The following CNTNAP2 variants were observed in gnomAD, a reference collection of about 807,000 sequenced individuals.
The protein encoded by CNTNAP2 is contactin-associated protein-like 2.
In CNTNAP2, 98 loss-of-function variants were observed where a neutral mutation model predicts 155.2. That is an observed-to-expected ratio of 0.63 (90% confidence interval 0.54 to 0.75). The LOEUF (loss-of-function observed/expected upper bound fraction) is 0.75, where lower values mean the gene tolerates loss of function less well. Among genes scored for constraint, CNTNAP2 ranks in the 30% least tolerant of loss-of-function variants. CNTNAP2 has a pLI of 0.00. For missense variants in CNTNAP2, 1,727 were observed against 1,688.1 expected, an observed-to-expected ratio of 1.02 and a Z score of -0.40; for synonymous variants, 651 against 631.2, an observed-to-expected ratio of 1.03 and a Z score of -0.47.
At chr7:147,628,868 T>TAAAAA (rs60644349) in intron 12 of CNTNAP2, among the ~76,000 whole-genome samples, 37 of 117,180 alleles carry the variant, frequency 3.2e-4, no homozygotes, top group African/African-American at 1.0e-3. Context: ...CAACAGCAGT[T>TAAAAA]AAAAAAAAAA....
At chr7:148,098,505 A>G (rs1479680130) in intron 15 of CNTNAP2, among the ~76,000 whole-genome samples, 1 of 144,014 alleles carries the variant, frequency 6.9e-6, no homozygotes, top group Admixed American at 7.1e-5. Flanking sequence ...TAAGCAAGTG[A>G]GAGAATAGAA....
intron 11 of CNTNAP2, among the ~76,000 whole-genome samples, chr7:147,531,040 C>T (rs1314694239): frequency 6.6e-6 from 1 of 152,214 alleles, no homozygotes; most frequent in Non-Finnish European, 1.5e-5. Context: ...CCAAAATGAT[C>T]TCCTTTGACC....
chr7:146,561,980 G>A (rs1034333218), intron 1 of CNTNAP2, among the ~76,000 whole-genome samples: 1 of 151,880 alleles, frequency 6.6e-6, no homozygotes, highest in Admixed American at 6.6e-5. Flanking sequence ...TTTAGAGATG[G>A]GGTTTCACAA....
intron 13 of CNTNAP2, among the ~76,000 whole-genome samples, chr7:147,851,834 C>T (rs1056431104): frequency 6.6e-6 from 1 of 151,918 alleles, no homozygotes; most frequent in Non-Finnish European, 1.5e-5. Context: ...GGGTGCAGCA[C>T]ACCAACATGG....
At chr7:146,413,611 C>T (rs1795896976) in intron 1 of CNTNAP2, among the ~76,000 whole-genome samples, 2 of 152,064 alleles carry the variant, frequency 1.3e-5, no homozygotes, top group Admixed American at 1.3e-4. Flanking sequence ...CTTCCTCGTT[C>T]TCCTTTTCTT....
rs1235706711 is a variant in CNTNAP2, at chr7:146,488,275, T to TCCTC, written c.98-285972_98-285969dup. Among the ~76,000 whole-genome samples the TCCTC allele has an allele frequency of 5.6e-3, 158 of 28,442 alleles. 2 individuals are homozygous for TCCTC. The East Asian group carries it at 0.14, about 26-fold the overall frequency. 18.7% of individuals were successfully genotyped at this position (28,442 alleles called of 152,430 possible). A position where few individuals can be genotyped will look rare whatever the true frequency, so the allele number is the denominator to read the frequency against. The stretch of plus-strand genomic sequence containing the variant: ...CTTCCTCCCCTCCCCTCCCCTCCCC[T>TCCTC]CCTCCCTCCCTCCCTCCCTCCCTCC... On this transcript the variant is annotated intron_variant, in intron 1 of 23. Transcript: ENST00000361727.
chr7:147,111,258 T>C (rs570667214), intron 5 of CNTNAP2, among the ~76,000 whole-genome samples: 2 of 152,334 alleles, frequency 1.3e-5, no homozygotes, highest in East Asian at 3.9e-4. Flanking sequence ...TTGCAGAAGC[T>C]AGATATTAGA....
chr7:147,510,084 C>A (rs1798987641), intron 11 of CNTNAP2, among the ~76,000 whole-genome samples: 2 of 152,118 alleles, frequency 1.3e-5, no homozygotes, highest in African/African-American at 4.8e-5. Context: ...CTGAATTTCA[C>A]TGGGCTTATG....
At chr7:147,775,312 T>TATATATATATTTATATATATTTATAA (rs1563084529) in intron 13 of CNTNAP2, among the ~76,000 whole-genome samples, 15 of 34,258 alleles carry the variant, frequency 4.4e-4, no homozygotes, top group East Asian at 2.1e-3. Flanking sequence ...TATTTATAAA[T>TATATATATATTTATATATATTTATAA]ATATATATAT....
At chr7:147,404,806 C>T (rs998921480) in intron 10 of CNTNAP2, among the ~76,000 whole-genome samples, 39 of 152,014 alleles carry the variant, frequency 2.6e-4, no homozygotes, top group Admixed American at 2.6e-3. Context: ...TATCACATAC[C>T]CAGGCGAACC....
intron 8 of CNTNAP2, among the ~76,000 whole-genome samples, chr7:147,134,506 AAT>A (rs139918747): frequency 6.6e-6 from 1 of 151,352 alleles, no homozygotes. Context: ...ATTTTATATA[AAT>A]ATATATATAT....
rs184545788 is a variant in CNTNAP2 at position 146,892,617 on chromosome 7, G to T, written c.402+52713G>T. ...AATTTCTTGCCCTACAGGAAGCCAA[G>T]AATTATATCTTAGCTGGGCGTGGTG... On this transcript the variant is annotated intron_variant, in intron 3 of 23. Transcript: ENST00000361727. Among the ~76,000 whole-genome samples the T allele has an allele frequency of 1.0e-3, 158 of 152,248 alleles. 1 individual carries two copies. Among genetic ancestry groups the T allele is most frequent in the Middle Eastern group, 3.4e-3 (1 of 294 alleles).
intron 22 of CNTNAP2, among the ~76,000 whole-genome samples, chr7:148,397,773 G>A (rs1268944479): frequency 6.6e-6 from 1 of 152,252 alleles, no homozygotes; most frequent in African/African-American, 2.4e-5. Flanking sequence ...CACCAGGGAG[G>A]AATGGTGTGG....
intron 1 of CNTNAP2, among the ~76,000 whole-genome samples, chr7:146,552,184 T>C (rs1001365347): frequency 6.6e-6 from 1 of 152,108 alleles, no homozygotes; most frequent in African/African-American, 2.4e-5. Context: ...CTAAATACTA[T>C]TGTATAAAGT....
At chr7:147,585,767 GTA>G (rs1268049110) in intron 12 of CNTNAP2, among the ~76,000 whole-genome samples, 4 of 90,308 alleles carry the variant, frequency 4.4e-5, no homozygotes, top group South Asian at 3.5e-4. Context: ...CTGTTTGTGT[GTA>G]TATATATGTG....
chr7:147,216,716 A>G (rs1370941974), intron 8 of CNTNAP2, among the ~76,000 whole-genome samples: 1 of 152,034 alleles, frequency 6.6e-6, no homozygotes, highest in Non-Finnish European at 1.5e-5. Context: ...TTTCTACAAC[A>G]TAATTTGCTG....
chr7:146,395,779 T>TGATAGAGA (rs1554427704), intron 1 of CNTNAP2, among the ~76,000 whole-genome samples: 1 of 122,024 alleles, frequency 8.2e-6, no homozygotes, highest in Non-Finnish European at 1.7e-5. Context: ...GATAGACAGA[T>TGATAGAGA]GATAGATAGA....
At chr7:146,520,313 CAT>C (rs59563196) in intron 1 of CNTNAP2, among the ~76,000 whole-genome samples, 3,801 of 140,800 alleles carry the variant, frequency 0.027, 104 homozygotes, top group African/African-American at 0.081. Context: ...TAGATATATT[CAT>C]ATATATATAT....
chr7:147,771,694 T>C (rs1797471801), intron 13 of CNTNAP2, among the ~76,000 whole-genome samples: 1 of 152,192 alleles, frequency 6.6e-6, no homozygotes, highest in Non-Finnish European at 1.5e-5. Context: ...TCATATGTGT[T>C]TTAGGCAGGA....
Sources: gnomAD v4.1 joint callset for allele counts (sites outside exome capture counted in the v4.1 genomes callset) on GRCh38, gnomAD v4.1.1 for gene constraint, MANE v1.5 for transcripts, NCBI Gene and HGNC (gene_info 2026-07-23, HGNC 2026-07-21) for gene names.